FBXW8: variants seen among roughly 807,000 people sequenced by gnomAD.
The protein encoded by FBXW8 is F-box/WD repeat-containing protein 8.
FBXW8 carries 57 observed loss-of-function variants against 65.3 expected under a neutral mutation model. The observed-to-expected ratio is 0.87, with a 90% confidence interval of 0.71 to 1.09. The LOEUF is 1.09. Ranked by LOEUF, FBXW8 falls within the 50% of genes least tolerant of loss-of-function variation. FBXW8 has a pLI of 0.00. For synonymous variants in FBXW8, 308 were observed against 330.2 expected, an observed-to-expected ratio of 0.93 and a Z score of 0.73; for missense variants, 777 against 814.8, an observed-to-expected ratio of 0.95 and a Z score of 0.57.
intron 4 of FBXW8, among the ~76,000 whole-genome samples, chr12:116,955,329 A>G (rs1470389874): frequency 6.6e-6 from 1 of 152,222 alleles, no homozygotes; most frequent in Non-Finnish European, 1.5e-5. Flanking sequence ...CGACTGAGAC[A>G]TTCAGACACA....
At chr12:116,914,623 C>A (rs1358791488) in intron 1 of FBXW8, among the ~76,000 whole-genome samples, 1 of 147,366 alleles carries the variant, frequency 6.8e-6, no homozygotes, top group African/African-American at 2.5e-5. Flanking sequence ...TACCTGTAAT[C>A]CCAGCACTTT....
chr12:116,991,448 T>G (rs1184777717), intron 7 of FBXW8, among the ~76,000 whole-genome samples: 1 of 152,246 alleles, frequency 6.6e-6, no homozygotes, highest in African/African-American at 2.4e-5. Context: ...CCTCCTGCTG[T>G]GCTCTAATGT....
rs186371104 is a variant in FBXW8 at position 117,000,564 on chromosome 12, A to T, written c.1240-9759A>T. On this transcript the variant is annotated intron_variant, in intron 7 of 10. Transcript: ENST00000652555. ...GGGCCTGAGAATTTGCATGTCTAACAAGTGCCCAGAGCAGCGGAGGCTGCT... is the reference window on the plus strand; with the variant it reads ...GGGCCTGAGAATTTGCATGTCTAACTAGTGCCCAGAGCAGCGGAGGCTGCT... Among the ~76,000 whole-genome samples, 500 of 152,334 alleles carry T rather than the reference A, an allele frequency of 3.3e-3. 2 individuals carry two copies. The highest frequency in any genetic ancestry group is 0.027 in the Middle Eastern group (8 of 294).
intron 5 of FBXW8, among the ~76,000 whole-genome samples, chr12:116,965,407 C>T (rs1273581539): frequency 6.6e-6 from 1 of 152,072 alleles, no homozygotes; most frequent in Non-Finnish European, 1.5e-5. Flanking sequence ...GAACTAGGTA[C>T]GAATAGTCTA....
chr12:116,915,248 C>A (rs1046340172), intron 1 of FBXW8, among the ~76,000 whole-genome samples: 3 of 152,218 alleles, frequency 2.0e-5, no homozygotes, highest in Non-Finnish European at 4.4e-5. Flanking sequence ...TCTTTTCTCC[C>A]AGCTCATCAG....
intron 3 of FBXW8, among the ~76,000 whole-genome samples, chr12:116,948,529 AAAT>A (rs929161055): frequency 6.6e-6 from 1 of 152,170 alleles, no homozygotes; most frequent in Admixed American, 6.5e-5. Flanking sequence ...CTAATAATAG[AAAT>A]AATAATAATA....
At chr12:117,026,101 T>C (rs10850744) in intron 9 of FBXW8, among the ~76,000 whole-genome samples, 35,893 of 152,220 alleles carry the variant, frequency 0.24, 5,733 homozygotes, top group African/African-American at 0.46. Flanking sequence ...AGTCTGGCTG[T>C]TGTTTGGTCA....
At chr12:116,915,902 C>T (rs970436662) in intron 1 of FBXW8, among the ~76,000 whole-genome samples, 3 of 151,992 alleles carry the variant, frequency 2.0e-5, no homozygotes, top group African/African-American at 4.8e-5. Context: ...CTGCCCGCCT[C>T]GGCCTCCCGA....
chr12:116,972,827 T>C (rs982491187), intron 5 of FBXW8, among the ~76,000 whole-genome samples: 3 of 152,214 alleles, frequency 2.0e-5, no homozygotes, highest in African/African-American at 2.4e-5. Flanking sequence ...TATATATGTT[T>C]ATGTGTGTCC....
chr12:116,924,641 G>A (rs1200983413), intron 1 of FBXW8, among the ~76,000 whole-genome samples: 1 of 152,076 alleles, frequency 6.6e-6, no homozygotes, highest in African/African-American at 2.4e-5. Context: ...CTACATTTAT[G>A]AACTGTGGGA....
chr12:117,024,248 G>T lies in FBXW8; in HGVS notation c.1469G>T (p.Ser490Ile), dbSNP rs746728965. Reference sequence around the variant, plus strand: ...CAGATGGATGACTGGAAGATCGTCAGTGGAGGCGAGGAAGGCCTGGTGTCC... The same window carrying T: ...CAGATGGATGACTGGAAGATCGTCATTGGAGGCGAGGAAGGCCTGGTGTCC... The part of the protein sequence containing the change: ...AVQMDDWKIV[S>I]GGEEGLVSVW... Residue 490 changes from serine to isoleucine, a missense_variant, in exon 9 of 11, where the codon AGT (serine) becomes ATT (isoleucine). Coordinates refer to ENST00000652555, the MANE Select transcript of FBXW8 (RefSeq NM_153348.3). 1 of 1,614,234 alleles carries T rather than the reference G, an allele frequency of 6.2e-7. No individual in the cohort carries two copies. The highest frequency in any genetic ancestry group is 1.3e-5 in the African/African-American group (1 of 75,056).
intron 8 of FBXW8, among the ~76,000 whole-genome samples, chr12:117,012,954 G>A (rs1445432060): frequency 6.6e-6 from 1 of 152,066 alleles, no homozygotes; most frequent in African/African-American, 2.4e-5. Context: ...TTATTTTGGG[G>A]GTGTGGGGGG....
intron 8 of FBXW8, among the ~76,000 whole-genome samples, chr12:117,023,682 C>T (rs1483641836): frequency 1.3e-5 from 2 of 152,248 alleles, no homozygotes; most frequent in Non-Finnish European, 2.9e-5. Flanking sequence ...AATGAACTTA[C>T]AAAGTCAAGT....
chr12:116,949,717 C>T lies in FBXW8; in HGVS notation c.677+11C>T, dbSNP rs1322122044. 3.1e-6 allele frequency: 5 copies of T among 1,612,984 alleles called. No individual in the cohort carries two copies. Among genetic ancestry groups the T allele is most frequent in the Non-Finnish European group, 4.2e-6 (5 of 1,179,054 alleles). On this transcript the variant is annotated intron_variant, in intron 4 of 10. Transcript: ENST00000652555. ...TGTGGTCATTGCGGGGTAAGCCAAA[C>T]CGTTTCCACTGAGTGCTCTGCATCT...
At chr12:116,930,011 T>C (rs1444140937) in intron 2 of FBXW8, among the ~76,000 whole-genome samples, 2 of 152,222 alleles carry the variant, frequency 1.3e-5, no homozygotes, top group Non-Finnish European at 2.9e-5. Context: ...GTAAATGACA[T>C]GATTTCCTTC....
intron 2 of FBXW8, among the ~76,000 whole-genome samples, chr12:116,943,220 C>T (rs1882722453): frequency 6.6e-6 from 1 of 152,174 alleles, no homozygotes; most frequent in Non-Finnish European, 1.5e-5. Flanking sequence ...GGGTTAGCTT[C>T]TGTTGACTGC....
chr12:116,979,991 T>TA (rs964234558), intron 5 of FBXW8, among the ~76,000 whole-genome samples: 1 of 152,084 alleles, frequency 6.6e-6, no homozygotes, highest in African/African-American at 2.4e-5. Context: ...GTATTTGAGT[T>TA]AGTCTTTTGG....
At chr12:117,022,984 G>C (rs893349932) in intron 8 of FBXW8, among the ~76,000 whole-genome samples, 4 of 152,186 alleles carry the variant, frequency 2.6e-5, no homozygotes, top group Admixed American at 1.3e-4. Flanking sequence ...CTGTCTTCTT[G>C]TTCTGGTATT....
At chr12:116,935,826 G>A (rs189115039) in intron 2 of FBXW8, among the ~76,000 whole-genome samples, 38 of 152,278 alleles carry the variant, frequency 2.5e-4, no homozygotes, top group African/African-American at 9.1e-4. Context: ...GCCTACGGAG[G>A]GCAGCACATG....
Sources: gnomAD v4.1 joint callset for allele counts (sites outside exome capture counted in the v4.1 genomes callset) on GRCh38, gnomAD v4.1.1 for gene constraint, MANE v1.5 for transcripts, NCBI Gene and HGNC (gene_info 2026-07-23, HGNC 2026-07-21) for gene names.